The following SOX6 variants were observed in gnomAD, a reference collection of about 807,000 sequenced individuals.
SOX6 encodes transcription factor SOX-6.
A neutral mutation model predicts 97.8 loss-of-function variants in SOX6; 11 were observed. That is an observed-to-expected ratio of 0.11 (90% CI 0.07 to 0.19). SOX6 has a LOEUF of 0.19. Ranked by LOEUF, SOX6 falls within the 10% of genes least tolerant of loss-of-function variation. The pLI, the probability that SOX6 is intolerant of heterozygous loss-of-function variation, is 1.00. For missense variants in SOX6, 810 were observed against 1,039.5 expected, an observed-to-expected ratio of 0.78 and a Z score of 3.04; for synonymous variants, 360 against 371.4, an observed-to-expected ratio of 0.97 and a Z score of 0.35.
intron 11 of SOX6, among the ~76,000 whole-genome samples, chr11:16,047,738 G>A (rs752826229): frequency 1.4e-5 from 2 of 148,088 alleles, no homozygotes; most frequent in African/African-American, 2.5e-5. Context: ...GTGTGTGTAT[G>A]TGTGTGTATA....
At chr11:16,717,947 G>A (rs1236599913) in intron 2 of SOX6, among the ~76,000 whole-genome samples, 3 of 108,598 alleles carry the variant, frequency 2.8e-5, no homozygotes, top group Non-Finnish European at 5.5e-5. Flanking sequence ...TTCTTTTCCT[G>A]TTTTTCTTTT....
chr11:15,972,769 T>C lies in SOX6; in HGVS notation c.*40A>G. On this transcript the variant is annotated 3_prime_UTR_variant, in exon 16 of 16. Coordinates refer to ENST00000683767, the MANE Select transcript of SOX6 (RefSeq NM_001367873.1). The stretch of plus-strand genomic sequence containing the variant: ...AATAACTCTTTGTTGGGGAGGGGGG[T>C]GAAATGTCAGAGTACTTTAATTCAG... The C allele has an allele frequency of 6.2e-7, 1 of 1,609,546 alleles. No individual in the cohort carries two copies. The highest frequency in any genetic ancestry group is 1.1e-5 in the South Asian group (1 of 90,972).
At chr11:16,634,031 A>G (rs1306524504) in intron 3 of SOX6, among the ~76,000 whole-genome samples, 2 of 152,230 alleles carry the variant, frequency 1.3e-5, no homozygotes, top group Non-Finnish European at 2.9e-5. Context: ...AGAAAAGATG[A>G]TCAACAAACA....
intron 2 of SOX6, among the ~76,000 whole-genome samples, chr11:16,335,995 A>C (rs1856449005): frequency 6.6e-6 from 1 of 152,216 alleles, no homozygotes; most frequent in Admixed American, 6.5e-5. Flanking sequence ...TAGAAGATAA[A>C]AACTCCCCTG....
intron 15 of SOX6, among the ~76,000 whole-genome samples, chr11:15,985,484 G>A (rs1389983094): frequency 6.6e-6 from 1 of 152,072 alleles, no homozygotes; most frequent in Non-Finnish European, 1.5e-5. Flanking sequence ...TGGGTATGCT[G>A]GAATCTACAG....
chr11:16,055,969 A>T, intron 9 of SOX6, 68 bp from the exon 10 acceptor site: 1 of 1,551,160 alleles, frequency 6.4e-7, no homozygotes, highest in South Asian at 1.1e-5. Context: ...AAAAGAAAAA[A>T]CTTACCATAT....
chr11:16,510,346 T>C (rs1860859354), intron 4 of SOX6, among the ~76,000 whole-genome samples: 1 of 152,124 alleles, frequency 6.6e-6, no homozygotes, highest in African/African-American at 2.4e-5. Context: ...ATCTTAATTC[T>C]ATACCGCCCT....
chr11:16,316,014 T>C (rs987795257), intron 3 of SOX6: 3 of 152,162 alleles, frequency 2.0e-5, no homozygotes, highest in Non-Finnish European at 2.9e-5. Context: ...CATACTGTAC[T>C]TCTAGTGATG....
chr11:16,010,543 T>A (rs181699907), intron 13 of SOX6, among the ~76,000 whole-genome samples: 1 of 152,082 alleles, frequency 6.6e-6, no homozygotes, highest in Admixed American at 6.6e-5. Context: ...GTTTTCTTAC[T>A]CAAACCATGC....
chr11:16,307,430 C>T (rs1005693498), intron 3 of SOX6, among the ~76,000 whole-genome samples: 5 of 152,138 alleles, frequency 3.3e-5, no homozygotes, highest in Admixed American at 3.3e-4. Context: ...GTACATTGGG[C>T]ACATAAGACA....
intron 3 of SOX6, among the ~76,000 whole-genome samples, chr11:16,247,594 A>G (rs1294089445): frequency 6.6e-6 from 1 of 152,156 alleles, no homozygotes; most frequent in East Asian, 1.9e-4. Flanking sequence ...AAGAATGAGA[A>G]CTGAGTAAAG....
intron 6 of SOX6, among the ~76,000 whole-genome samples, chr11:16,120,111 C>A (rs1052469384): frequency 7.2e-6 from 1 of 139,216 alleles, no homozygotes; most frequent in Non-Finnish European, 1.5e-5. Context: ...ATTCTCTCTC[C>A]CCCCACCCCT....
At chr11:16,398,280 C>G (rs1858422964) in intron 1 of SOX6, among the ~76,000 whole-genome samples, 1 of 151,440 alleles carries the variant, frequency 6.6e-6, no homozygotes, top group South Asian at 2.1e-4. Flanking sequence ...CGAGTTTGAC[C>G]TTGACCTTTT....
At chr11:16,140,043 GCA>G (rs1197655484) in intron 6 of SOX6, among the ~76,000 whole-genome samples, 1 of 150,254 alleles carries the variant, frequency 6.7e-6, no homozygotes, top group South Asian at 2.1e-4. Flanking sequence ...ATGTGTATAT[GCA>G]CACACACATA....
intron 4 of SOX6, among the ~76,000 whole-genome samples, chr11:16,590,186 T>C (rs1417013721): frequency 6.6e-6 from 1 of 152,144 alleles, no homozygotes. Context: ...GCTGAAGATT[T>C]GCAAAAAGAA....
At chr11:16,073,781 G>T (rs1330736394) in intron 9 of SOX6, among the ~76,000 whole-genome samples, 2 of 151,992 alleles carry the variant, frequency 1.3e-5, no homozygotes, top group African/African-American at 4.8e-5. Flanking sequence ...ATCATTACTA[G>T]GAAAATCACT....
At chr11:16,689,208 A>G (rs974567919) in intron 3 of SOX6, among the ~76,000 whole-genome samples, 2 of 152,174 alleles carry the variant, frequency 1.3e-5, no homozygotes, top group Admixed American at 1.3e-4. Context: ...CCCATGGGGT[A>G]CCCTTTGCAG....
intron 5 of SOX6, among the ~76,000 whole-genome samples, chr11:16,184,836 T>A (rs1242559077): frequency 6.6e-6 from 1 of 152,088 alleles, no homozygotes; most frequent in Admixed American, 6.6e-5. Context: ...AGAGAGATGA[T>A]CCTTAGTGAG....
At chr11:16,730,402 G>T (rs570779581) in intron 2 of SOX6, among the ~76,000 whole-genome samples, 17 of 152,282 alleles carry the variant, frequency 1.1e-4, no homozygotes, top group African/African-American at 4.1e-4. Flanking sequence ...CAGTCTTTCA[G>T]ACCCAGTGCA....
Sources: gnomAD v4.1 joint callset for allele counts (sites outside exome capture counted in the v4.1 genomes callset) on GRCh38, gnomAD v4.1.1 for gene constraint, MANE v1.5 for transcripts, NCBI Gene and HGNC (gene_info 2026-07-23, HGNC 2026-07-21) for gene names.